The following ZBTB20 variants were observed in gnomAD, a reference collection of about 807,000 sequenced individuals.
ZBTB20 encodes zinc finger and BTB domain-containing protein 20.
In ZBTB20, 9 loss-of-function variants were observed where a neutral mutation model predicts 56.9. That is an observed-to-expected ratio of 0.16 (90% confidence interval 0.10 to 0.28). The LOEUF is 0.28. ZBTB20 is among the 10% of genes least tolerant of loss of function. The pLI, the probability that ZBTB20 is intolerant of heterozygous loss-of-function variation, is 1.00. For missense variants in ZBTB20, 655 were observed against 1,003.0 expected, an observed-to-expected ratio of 0.65 and a Z score of 4.69; for synonymous variants, 417 against 420.7, an observed-to-expected ratio of 0.99 and a Z score of 0.11.
chr3:114,550,007 A>G (rs1014969948), intron 6 of ZBTB20, among the ~76,000 whole-genome samples: 9 of 151,750 alleles, frequency 5.9e-5, no homozygotes, highest in Non-Finnish European at 1.0e-4. Flanking sequence ...GCGCGATCTC[A>G]GCTCACTGCA....
intron 5 of ZBTB20, among the ~76,000 whole-genome samples, chr3:114,797,736 T>C (rs1320596830): frequency 6.6e-6 from 1 of 151,924 alleles, no homozygotes; most frequent in African/African-American, 2.4e-5. Flanking sequence ...GGTATCACCA[T>C]GTCTCGATTC....
chr3:114,518,836 T>A (rs2046324211), intron 6 of ZBTB20: 1 of 152,260 alleles, frequency 6.6e-6, no homozygotes, highest in Non-Finnish European at 1.5e-5. Flanking sequence ...GTATTTTTTG[T>A]TGTCACAGTT....
intron 2 of ZBTB20, among the ~76,000 whole-genome samples, chr3:115,048,865 C>A (rs917176256): frequency 6.6e-6 from 1 of 151,898 alleles, no homozygotes; most frequent in Non-Finnish European, 1.5e-5. Flanking sequence ...TTAAAGACTT[C>A]TATCTAAAAA....
chr3:114,650,223 C>A lies in ZBTB20; in HGVS notation c.-295+43305G>T, dbSNP rs530582231. Among the ~76,000 whole-genome samples the A allele has an allele frequency of 3.7e-3, 489 of 131,208 alleles. 3 individuals are homozygous for A. Among genetic ancestry groups the A allele is most frequent in the African/African-American group, 0.018 (468 of 26,168 alleles). 86.1% of individuals were successfully genotyped at this position (131,208 alleles called of 152,430 possible). On this transcript the variant is annotated intron_variant, in intron 6 of 11. Transcript: ENST00000675478. ...AAAACTTCCACTCGTTTATATAAAGCATTATTATTAACTTCATAACATGCA... is the reference window on the plus strand; with the variant it reads ...AAAACTTCCACTCGTTTATATAAAGAATTATTATTAACTTCATAACATGCA...
intron 5 of ZBTB20, among the ~76,000 whole-genome samples, chr3:114,762,853 G>A (rs1209453184): frequency 6.6e-6 from 1 of 152,138 alleles, no homozygotes; most frequent in African/African-American, 2.4e-5. Flanking sequence ...ATTTTAGCCT[G>A]TTTGGTCCCT....
intron 7 of ZBTB20, among the ~76,000 whole-genome samples, chr3:114,413,717 T>C (rs143700982): frequency 2.6e-5 from 4 of 152,234 alleles, no homozygotes; most frequent in African/African-American, 9.6e-5. Flanking sequence ...TCACATTACC[T>C]AAGCTGTATT....
Position 115,147,201 on chromosome 3 carries a change from TAG to T in ZBTB20, c.-703+16_-703+17del, listed in dbSNP as rs1249526669. 2 of 149,728 alleles carry T rather than the reference TAG, an allele frequency of 1.3e-5. No homozygotes were observed. The highest frequency in any genetic ancestry group is 3.0e-5 in the Non-Finnish European group (2 of 67,436). 9.3% of individuals were successfully genotyped at this position (149,728 alleles called of 1,614,324 possible). A position where few individuals can be genotyped will look rare whatever the true frequency, so the allele number is the denominator to read the frequency against. ...CTCTCCCGCCCGTCCCACAACAAATTAGAGTTTGTGGCATTACCTCCTCGCGC... is the reference window on the plus strand; with the variant it reads ...CTCTCCCGCCCGTCCCACAACAAATTAGTTTGTGGCATTACCTCCTCGCGC... On this transcript the variant is annotated intron_variant, in intron 1 of 11. Transcript: ENST00000675478.
At chr3:114,798,679 C>T (rs2071504036) in intron 5 of ZBTB20, among the ~76,000 whole-genome samples, 1 of 151,982 alleles carries the variant, frequency 6.6e-6, no homozygotes, top group Non-Finnish European at 1.5e-5. Context: ...GACTTTGTTT[C>T]TTACATCCTT....
chr3:115,076,571 A>G (rs1050309656), intron 1 of ZBTB20, among the ~76,000 whole-genome samples: 1 of 152,210 alleles, frequency 6.6e-6, no homozygotes, highest in Non-Finnish European at 1.5e-5. Context: ...ACTTAAATGT[A>G]AGACCTGAAA....
At chr3:114,581,278 GA>G (rs2054610863) in intron 6 of ZBTB20, among the ~76,000 whole-genome samples, 1 of 151,830 alleles carries the variant, frequency 6.6e-6, no homozygotes, top group Non-Finnish European at 1.5e-5. Context: ...ATTCCAGAAG[GA>G]TTAGAGATCT....
At chr3:114,372,117 T>A (rs1256693689) in intron 10 of ZBTB20, among the ~76,000 whole-genome samples, 6 of 152,232 alleles carry the variant, frequency 3.9e-5, no homozygotes, top group African/African-American at 1.4e-4. Context: ...TGGCCTCTTT[T>A]ATTTTAAGTA....
At chr3:114,666,198 G>A (rs962398918) in intron 6 of ZBTB20, among the ~76,000 whole-genome samples, 2 of 151,938 alleles carry the variant, frequency 1.3e-5, no homozygotes, top group Non-Finnish European at 1.5e-5. Flanking sequence ...AGACTGTATA[G>A]TTCTTAGTAG....
rs897755609 is a variant in ZBTB20 at position 114,351,259 on chromosome 3, C to A, written c.819G>T (p.Ala273=). The A allele has an allele frequency of 4.4e-6, 7 of 1,600,976 alleles. No individual in the cohort carries two copies. Among genetic ancestry groups the A allele is most frequent in the South Asian group, 1.1e-5 (1 of 90,996 alleles). ...SGAVVSHHET[A]LGLPRDHHME... Reference sequence around the variant, plus strand: ...TGTGGTGGTCGCGGGGCAGGCCGAGCGCAGTCTCGTGGTGGCTGACCACTG... The same window carrying A: ...TGTGGTGGTCGCGGGGCAGGCCGAGAGCAGTCTCGTGGTGGCTGACCACTG... The change falls in exon 11 of 12, where the codon GCG becomes GCT. Residue 273 remains alanine, a synonymous_variant. Transcript: ENST00000675478.
rs944469269 is a variant in ZBTB20 at position 114,335,835 on chromosome 3, C to T, written c.*3170G>A. The stretch of plus-strand genomic sequence containing the variant: ...ACTCCCTTTTTTTTAAGAGACACTT[C>T]CTTTACAGGGAAAGGATGATAGACT... On this transcript the variant is annotated 3_prime_UTR_variant, in exon 12 of 12. Coordinates refer to ENST00000675478, the MANE Select transcript of ZBTB20 (RefSeq NM_001348800.3). The T allele has an allele frequency of 1.3e-5, 2 of 152,124 alleles. No individual in the cohort carries two copies. The highest frequency in any genetic ancestry group is 4.8e-5 in the African/African-American group (2 of 41,424). The allele number at this position is 152,124 out of a possible 1,614,324, so 9.4% of individuals were successfully genotyped here.
chr3:114,892,873 C>G (rs1246815229), intron 4 of ZBTB20, among the ~76,000 whole-genome samples: 1 of 152,140 alleles, frequency 6.6e-6, no homozygotes, highest in Non-Finnish European at 1.5e-5. Flanking sequence ...CATTCCATCA[C>G]CAGGCATAAG....
chr3:114,860,200 G>A (rs1381797548), intron 4 of ZBTB20, among the ~76,000 whole-genome samples: 5 of 151,986 alleles, frequency 3.3e-5, no homozygotes, highest in Admixed American at 1.3e-4. Flanking sequence ...CCAGCTACTC[G>A]GGAGGCTGAG....
At chr3:114,608,413 G>C (rs929213959) in intron 6 of ZBTB20, among the ~76,000 whole-genome samples, 2 of 152,112 alleles carry the variant, frequency 1.3e-5, no homozygotes, top group Non-Finnish European at 2.9e-5. Context: ...CTAGGTTTAT[G>C]GTAGACTCAG....
intron 5 of ZBTB20, among the ~76,000 whole-genome samples, chr3:114,701,694 GC>G (rs1265508544): frequency 6.6e-6 from 1 of 151,892 alleles, no homozygotes; most frequent in Non-Finnish European, 1.5e-5. Flanking sequence ...TGACTCCCAG[GC>G]CCATATGTAC....
chr3:115,082,760 C>G (rs1343766160), intron 1 of ZBTB20, among the ~76,000 whole-genome samples: 1 of 151,924 alleles, frequency 6.6e-6, no homozygotes, highest in African/African-American at 2.4e-5. Context: ...GAAAAACTGG[C>G]AAGCAAAAAG....
Sources: allele counts gnomAD v4.1 joint callset (sites outside exome capture counted in the v4.1 genomes callset), GRCh38; gene constraint gnomAD v4.1.1; transcripts MANE v1.5; gene names NCBI Gene and HGNC (gene_info 2026-07-23, HGNC 2026-07-21).